CELF1: variants seen among roughly 807,000 people sequenced by gnomAD.
The protein encoded by CELF1 is 50 kDa nuclear polyadenylated RNA-binding protein.
Under a neutral mutation model 61.8 loss-of-function variants are expected in CELF1, and 10 were observed. The observed-to-expected ratio is 0.16, with a 90% CI of 0.10 to 0.27. The LOEUF is 0.27. CELF1 is among the 10% of genes least tolerant of loss of function. CELF1 has a pLI of 1.00. For synonymous variants in CELF1, 236 were observed against 225.1 expected, an observed-to-expected ratio of 1.05 and a Z score of -0.43; for missense variants, 380 against 639.1, an observed-to-expected ratio of 0.59 and a Z score of 4.37.
At chr11:47,491,817 T>A (rs966970617) in intron 3 of CELF1, among the ~76,000 whole-genome samples, 6 of 152,228 alleles carry the variant, frequency 3.9e-5, no homozygotes, top group Admixed American at 6.5e-5. Flanking sequence ...AGTATCCGGT[T>A]CAAAGTAAGC....
chr11:47,476,748 C>G, intron 12 of CELF1, 98 bp downstream of exon 12: 2 of 939,498 alleles, frequency 2.1e-6, no homozygotes, highest in Non-Finnish European at 3.4e-6. Context: ...TTTAACTTCA[C>G]TGGGCCACTG....
intron 1 of CELF1, among the ~76,000 whole-genome samples, chr11:47,547,340 A>C (rs1420651594): frequency 6.6e-6 from 1 of 152,148 alleles, no homozygotes; most frequent in Non-Finnish European, 1.5e-5. Flanking sequence ...TAGCAAAATA[A>C]AGGAGACATT....
At chr11:47,513,461 CCT>C (rs59288626) in intron 1 of CELF1, 32,960 of 150,366 alleles carry the variant, frequency 0.22, 4,380 homozygotes, top group South Asian at 0.44. Flanking sequence ...GGCAGCACCC[CCT>C]CTTTTTTTTT....
chr11:47,498,574 A>T (rs1329815310), intron 3 of CELF1, among the ~76,000 whole-genome samples: 11 of 152,160 alleles, frequency 7.2e-5, no homozygotes, highest in African/African-American at 2.4e-4. Context: ...TTATCTAGAG[A>T]ATATTCTACC....
At chr11:47,546,253 T>TTTTGGG (rs2096944135) in intron 1 of CELF1, among the ~76,000 whole-genome samples, 1 of 23,602 alleles carries the variant, frequency 4.2e-5, no homozygotes, top group African/African-American at 1.5e-4. Flanking sequence ...TTTTTTTTTT[T>TTTTGGG]GGGCGGGGGC....
At chr11:47,493,541 T>TGC (rs1179023578) in intron 3 of CELF1, among the ~76,000 whole-genome samples, 3 of 146,424 alleles carry the variant, frequency 2.0e-5, no homozygotes, top group Non-Finnish European at 4.5e-5. Flanking sequence ...AAAAAGGGCG[T>TGC]GCACACACAC....
At chr11:47,541,156 C>G (rs1045021622) in intron 1 of CELF1, among the ~76,000 whole-genome samples, 2 of 151,996 alleles carry the variant, frequency 1.3e-5, no homozygotes, top group Admixed American at 6.6e-5. Context: ...ATTATCTGTA[C>G]AAAACAGAAA....
chr11:47,481,326 C>T (rs1447460020), intron 9 of CELF1, among the ~76,000 whole-genome samples: 1 of 151,876 alleles, frequency 6.6e-6, no homozygotes, highest in Non-Finnish European at 1.5e-5. Flanking sequence ...GACAGGGTTT[C>T]ACCATGCTGG....
chr11:47,521,451 T>C (rs1456167971), intron 1 of CELF1, among the ~76,000 whole-genome samples: 1 of 152,208 alleles, frequency 6.6e-6, no homozygotes, highest in Non-Finnish European at 1.5e-5. Flanking sequence ...ATGTACCCTA[T>C]ACCTAGACTC....
intron 1 of CELF1, among the ~76,000 whole-genome samples, chr11:47,549,816 T>G (rs1007737943): frequency 7.4e-6 from 1 of 134,642 alleles, no homozygotes; most frequent in East Asian, 2.2e-4. Flanking sequence ...TGTGGGTTTT[T>G]TTTGTTTTTT....
intron 1 of CELF1, among the ~76,000 whole-genome samples, chr11:47,526,807 G>C (rs1021053249): frequency 1.3e-5 from 2 of 152,078 alleles, no homozygotes; most frequent in African/African-American, 4.8e-5. Context: ...GTGGTGGCTC[G>C]TGCCTGCAAT....
intron 3 of CELF1, among the ~76,000 whole-genome samples, chr11:47,494,764 A>G (rs751478574): frequency 1.3e-5 from 2 of 152,236 alleles, no homozygotes; most frequent in Non-Finnish European, 2.9e-5. Flanking sequence ...GGCCTGGCCA[A>G]TCAAGCTCCT....
At chr11:47,509,059 C>T (rs967467603) in intron 1 of CELF1, among the ~76,000 whole-genome samples, 5 of 152,120 alleles carry the variant, frequency 3.3e-5, no homozygotes, top group South Asian at 4.2e-4. Flanking sequence ...GGTGAGCCAC[C>T]GTGCCCGGCC....
intron 10 of CELF1, among the ~76,000 whole-genome samples, chr11:47,478,055 A>C (rs2081069662): frequency 6.6e-6 from 1 of 152,046 alleles, no homozygotes; most frequent in Non-Finnish European, 1.5e-5. Flanking sequence ...CAAACCATTT[A>C]CTAGACAATG....
At chr11:47,514,909 C>CCA (rs1429061781) in intron 1 of CELF1, 1 of 152,140 alleles carries the variant, frequency 6.6e-6, no homozygotes, top group African/African-American at 2.4e-5. Flanking sequence ...CCCCAAATGC[C>CCA]CACACACTGG....
intron 1 of CELF1, among the ~76,000 whole-genome samples, chr11:47,533,753 T>C (rs974869100): frequency 7.4e-6 from 1 of 135,414 alleles, no homozygotes; most frequent in African/African-American, 2.8e-5. Flanking sequence ...GGGGTTACAG[T>C]GAGCTGAGAT....
At chr11:47,480,893 A>T (rs944938548) in intron 9 of CELF1, among the ~76,000 whole-genome samples, 1 of 152,022 alleles carries the variant, frequency 6.6e-6, no homozygotes, top group Non-Finnish European at 1.5e-5. Flanking sequence ...AAAATTAGCC[A>T]GGCGTGGTGG....
intron 10 of CELF1, 57 bp downstream of exon 10, chr11:47,478,820 T>A: frequency 7.3e-7 from 1 of 1,378,484 alleles, no homozygotes; most frequent in Non-Finnish European, 1.0e-6. Flanking sequence ...AAGACTGTTG[T>A]TAGCTGGGTC....
chr11:47,487,296 A>G, intron 4 of CELF1, 55 bp from the exon 5 acceptor site: 2 of 1,367,532 alleles, frequency 1.5e-6, no homozygotes, highest in Non-Finnish European at 2.1e-6. Context: ...GAATTCCTAG[A>G]GCAATCCTTC....
Sources: allele counts gnomAD v4.1 joint callset (sites outside exome capture counted in the v4.1 genomes callset), GRCh38; gene constraint gnomAD v4.1.1; transcripts MANE v1.5; gene names NCBI Gene and HGNC (gene_info 2026-07-23, HGNC 2026-07-21).